PRKAG2: variants seen among roughly 807,000 people sequenced by gnomAD.
The protein encoded by PRKAG2 is protein kinase AMP-activated non-catalytic subunit gamma 2, also known as 5'-AMP-activated protein kinase subunit gamma-2.
In PRKAG2, 26 loss-of-function variants were observed where a neutral mutation model predicts 69.6. The observed-to-expected ratio is 0.37, with a 90% CI of 0.27 to 0.52. The LOEUF (loss-of-function observed/expected upper bound fraction) is 0.52. PRKAG2 is among the 20% of genes least tolerant of loss of function. PRKAG2 has a pLI of 0.90. For synonymous variants in PRKAG2, 293 were observed against 285.0 expected (o/e 1.03, Z -0.28); for missense variants, 557 against 740.0 (o/e 0.75, Z 2.87).
At chr7:151,674,034 G>C (rs112113536) in intron 4 of PRKAG2, among the ~76,000 whole-genome samples, 9,324 of 152,072 alleles carry the variant, frequency 0.061, 388 homozygotes, top group Non-Finnish European at 0.091. Flanking sequence ...GTAAAGACAG[G>C]GTTTCACCAT....
At chr7:151,799,591 A>C (rs1223290115) in intron 1 of PRKAG2, among the ~76,000 whole-genome samples, 2 of 152,180 alleles carry the variant, frequency 1.3e-5, no homozygotes, top group East Asian at 3.8e-4. Flanking sequence ...TCAGTCTGTG[A>C]TCCCAGCCAC....
Position 151,565,591 on chromosome 7 carries a change from T to C in PRKAG2, c.1399+129A>G, listed in dbSNP as rs1387594333. The C allele has an allele frequency of 8.4e-6, 11 of 1,308,774 alleles. No homozygotes were observed. In the African/African-American group the frequency reaches 1.0e-4, roughly 12 times the overall value. 81.1% of individuals were successfully genotyped at this position (1,308,774 alleles called of 1,614,324 possible). On this transcript the variant is annotated intron_variant, in intron 12 of 15. Transcript: ENST00000287878. ...TTTTTTTACGATCCTGCGTGCCCCT[T>C]GGTGCTGAATTTATTCACCATACCC...
At chr7:151,871,700 T>C (rs1427154003) in intron 1 of PRKAG2, among the ~76,000 whole-genome samples, 1 of 152,212 alleles carries the variant, frequency 6.6e-6, no homozygotes, top group Admixed American at 6.5e-5. Context: ...CTAAAATGGA[T>C]TCTTCCTTCC....
rs11386133 is a variant in PRKAG2 at position 151,751,098 on chromosome 7, C to CTT, written c.466+30052_466+30053dup. Among the ~76,000 whole-genome samples the CTT allele has an allele frequency of 3.5e-3, 462 of 130,866 alleles. 7 individuals carry two copies. The highest frequency in any genetic ancestry group is 0.011 in the African/African-American group (383 of 34,090). 85.9% of individuals were successfully genotyped at this position (130,866 alleles called of 152,430 possible). A position where few individuals can be genotyped will look rare whatever the true frequency, so the allele number is the denominator to read the frequency against. On this transcript the variant is annotated intron_variant, in intron 3 of 15. Coordinates refer to ENST00000287878, the MANE Select transcript of PRKAG2 (RefSeq NM_016203.4). The stretch of plus-strand genomic sequence containing the variant: ...TTTTGCCATACTGATTCAAAGATTC[C>CTT]TTTTTTTTTTTTTTTTTGAGACGGA...
At chr7:151,563,211 A>C (rs935637219) in intron 14 of PRKAG2, among the ~76,000 whole-genome samples, 1 of 152,224 alleles carries the variant, frequency 6.6e-6, no homozygotes, top group Non-Finnish European at 1.5e-5. Flanking sequence ...TAGCTACATT[A>C]AAGCTAAAAA....
In PRKAG2 at chr7:151,613,751, G is replaced by A. The variant is rs186817762; in HGVS notation, c.755-18297C>T. Among the ~76,000 whole-genome samples the A allele has an allele frequency of 7.8e-3, 1,156 of 147,684 alleles. 5 individuals are homozygous for A. Among genetic ancestry groups the A allele is most frequent in the Non-Finnish European group, 0.012 (836 of 67,386 alleles). ...GACCTCAGGTGATCTGCCCAGCTTGGCCTCCCAAAGTGCTTACAGGTGTGA... is the reference window on the plus strand; with the variant it reads ...GACCTCAGGTGATCTGCCCAGCTTGACCTCCCAAAGTGCTTACAGGTGTGA... On this transcript the variant is annotated intron_variant, in intron 5 of 15. Coordinates refer to ENST00000287878, the MANE Select transcript of PRKAG2 (RefSeq NM_016203.4).
At chr7:151,873,797 C>T (rs1301716894) in intron 1 of PRKAG2, among the ~76,000 whole-genome samples, 2 of 152,170 alleles carry the variant, frequency 1.3e-5, no homozygotes, top group African/African-American at 2.4e-5. Context: ...TTGTCTCACA[C>T]TATCGCTGGC....
At chr7:151,692,618 C>T (rs1169325098) in intron 3 of PRKAG2, among the ~76,000 whole-genome samples, 1 of 151,972 alleles carries the variant, frequency 6.6e-6, no homozygotes, top group Admixed American at 6.6e-5. Flanking sequence ...GCTAAATAAT[C>T]CTGACTTTTA....
At chr7:151,656,448 C>T (rs556068335) in intron 4 of PRKAG2, among the ~76,000 whole-genome samples, 14 of 152,102 alleles carry the variant, frequency 9.2e-5, no homozygotes, top group African/African-American at 3.1e-4. Context: ...CCCAGCTACT[C>T]GGGAGGCTGA....
At chr7:151,802,337 C>A (rs56131024) in intron 1 of PRKAG2, among the ~76,000 whole-genome samples, 1 of 152,118 alleles carries the variant, frequency 6.6e-6, no homozygotes, top group African/African-American at 2.4e-5. Flanking sequence ...TTGTGCAACA[C>A]GAGGCTGCCA....
At chr7:151,558,918 G>T in intron 15 of PRKAG2, 1 of 985,390 alleles carries the variant, frequency 1.0e-6, no homozygotes, top group Admixed American at 6.1e-5. Context: ...AGGATGAATC[G>T]CTTGACTTGT....
At chr7:151,689,516 A>G (rs1393140306) in intron 3 of PRKAG2, among the ~76,000 whole-genome samples, 1 of 152,158 alleles carries the variant, frequency 6.6e-6, no homozygotes, top group Non-Finnish European at 1.5e-5. Context: ...ACATTCCCAA[A>G]CCTCCACTTT....
chr7:151,754,527 G>A (rs992862521), intron 3 of PRKAG2, among the ~76,000 whole-genome samples: 2 of 152,228 alleles, frequency 1.3e-5, no homozygotes, highest in African/African-American at 4.8e-5. Context: ...TGGGGCTTAG[G>A]GGCAGACTTG....
At position 151,780,862 on chromosome 7, in the gene PRKAG2, C is replaced by T. The variant is rs1009688520; in HGVS notation, c.466+290G>A. 6.6e-5 allele frequency among the ~76,000 whole-genome samples: 10 copies of T among 152,302 alleles called. No homozygotes were observed. The highest frequency in any genetic ancestry group is 1.3e-4 in the Non-Finnish European group (9 of 68,030). On this transcript the variant is annotated intron_variant, in intron 3 of 15. Coordinates refer to ENST00000287878, the MANE Select transcript of PRKAG2 (RefSeq NM_016203.4). This position sits in a 1 kb window ranked among gnomAD's most constrained non-coding sequence, Gnocchi z 4.2. ...CAAGTGTGTCATCTGATTGTCCATA[C>T]AAGCTGTACTGTGAGTATCAGGATG...
At position 151,703,106 on chromosome 7, in the gene PRKAG2, T is replaced by G. The variant is rs1026770223; in HGVS notation, c.467-27469A>C. ...GGCAGAAGACACCTCTGCCAGCCCT[T>G]CAGCCTCTCACATTGCCTGCTGCTC... On this transcript the variant is annotated intron_variant, in intron 3 of 15. Transcript: ENST00000287878. 1.4e-4 allele frequency among the ~76,000 whole-genome samples: 21 copies of G among 152,318 alleles called. No individual in the cohort carries two copies. The East Asian group carries it at 3.9e-3, about 28-fold the overall frequency.
intron 3 of PRKAG2, among the ~76,000 whole-genome samples, chr7:151,688,620 G>T (rs924844506): frequency 2.0e-5 from 3 of 152,216 alleles, no homozygotes; most frequent in Non-Finnish European, 4.4e-5. Flanking sequence ...CCGGGATTCG[G>T]ACACTGCTTG....
intron 5 of PRKAG2, among the ~76,000 whole-genome samples, chr7:151,610,400 T>C (rs1233700789): frequency 6.9e-6 from 1 of 145,416 alleles, no homozygotes; most frequent in Non-Finnish European, 1.5e-5. Context: ...TAGTGTGGGC[T>C]GGGCGCGGTG....
At chr7:151,690,528 C>T (rs984244094) in intron 3 of PRKAG2, among the ~76,000 whole-genome samples, 1 of 152,176 alleles carries the variant, frequency 6.6e-6, no homozygotes, top group Non-Finnish European at 1.5e-5. Context: ...GAGGAGCAGC[C>T]GTTAGGAAGG....
chr7:151,827,011 C>G (rs1302226160), intron 1 of PRKAG2, among the ~76,000 whole-genome samples: 1 of 152,186 alleles, frequency 6.6e-6, no homozygotes, highest in Non-Finnish European at 1.5e-5. Flanking sequence ...ACATGGAAGG[C>G]TGGAACCAGA....
Sources: gnomAD v4.1 joint callset for allele counts (sites outside exome capture counted in the v4.1 genomes callset) on GRCh38, gnomAD v4.1.1 for gene constraint, Gnocchi (gnomAD v3.1) non-coding constraint, MANE v1.5 for transcripts, NCBI Gene and HGNC (gene_info 2026-07-23, HGNC 2026-07-21) for gene names.